The following SEPTIN3 variants were observed in gnomAD, a reference collection of about 807,000 sequenced individuals.
The protein encoded by SEPTIN3 is septin 3.
A neutral mutation model predicts 45.1 loss-of-function variants in SEPTIN3; 15 were observed. That is an observed-to-expected ratio of 0.33 (90% CI 0.22 to 0.51). The LOEUF (loss-of-function observed/expected upper bound fraction) is 0.51, where lower values mean the gene tolerates loss of function less well. Among genes scored for constraint, SEPTIN3 ranks in the 20% least tolerant of loss-of-function variants. The pLI is 0.97. For missense variants in SEPTIN3, 289 were observed against 457.2 expected, an observed-to-expected ratio of 0.63 and a Z score of 3.35; for synonymous variants, 148 against 164.8, an observed-to-expected ratio of 0.90 and a Z score of 0.78.
At chr22:41,988,895 G>C (rs2078253388) in intron 6 of SEPTIN3, among the ~76,000 whole-genome samples, 1 of 152,130 alleles carries the variant, frequency 6.6e-6, no homozygotes, top group African/African-American at 2.4e-5. Context: ...GGAAGCCGAG[G>C]CAGGAAGATT....
intron 2 of SEPTIN3, among the ~76,000 whole-genome samples, chr22:41,974,457 G>T (rs993229149): frequency 1.3e-5 from 2 of 152,024 alleles, no homozygotes; most frequent in African/African-American, 2.4e-5. Flanking sequence ...GAGGTCAGGA[G>T]ATCAAGACCA....
chr22:41,996,325 A>G (rs192358136), intron 11 of SEPTIN3: 67 of 985,408 alleles, frequency 6.8e-5, no homozygotes, highest in Admixed American at 3.1e-4. Context: ...GTTTAGCCTT[A>G]GGGAAGGGAA....
intron 7 of SEPTIN3, 151 bp downstream of exon 7, chr22:41,989,835 A>G (rs2078275401): frequency 1.7e-6 from 1 of 592,908 alleles, no homozygotes; most frequent in Non-Finnish European, 3.0e-6. Flanking sequence ...TTAACCATTC[A>G]AGAGGCTGAG....
At chr22:41,996,126 C>T in intron 11 of SEPTIN3, 1 of 985,088 alleles carries the variant, frequency 1.0e-6, no homozygotes, top group Non-Finnish European at 1.2e-6. Context: ...TCTACTTTTC[C>T]CTAATTCCCT....
rs760056137 is a variant in SEPTIN3 at position 41,994,686 on chromosome 22, G to A, written c.2477G>A (p.Arg826Gln). ...CACTATGAGACTTACAGGGCCAAGC[G>A]GCTCAATGACAATGGAGGCCTCCCT... The part of the protein sequence containing the change: ...NIHYETYRAK[R>Q]LNDNGGLPPG... Residue 826 changes from arginine (R) to glutamine (Q), a missense_variant, in exon 11 of 12, where the codon CGG becomes CAG. By Grantham distance (43) the Arg-to-Gln change is conservative. Transcript: ENST00000644076. This position sits in a 1 kb window ranked among gnomAD's most constrained non-coding sequence, Gnocchi z 4.2. 6.2e-6 allele frequency: 10 copies of A among 1,614,034 alleles called. No homozygotes were observed. The highest frequency in any genetic ancestry group is 6.8e-6 in the Non-Finnish European group (8 of 1,180,050).
At chr22:41,982,763 T>C (rs886316755) in intron 3 of SEPTIN3, among the ~76,000 whole-genome samples, 1 of 151,546 alleles carries the variant, frequency 6.6e-6, no homozygotes, top group Non-Finnish European at 1.5e-5. Context: ...TGATGGCACA[T>C]GCTTGTAATC....
chr22:41,994,025 T>C lies in SEPTIN3; in HGVS notation c.2360-265T>C, dbSNP rs1025900996. 2.6e-5 allele frequency among the ~76,000 whole-genome samples: 4 copies of C among 152,224 alleles called. No homozygotes were observed. Among genetic ancestry groups the C allele is most frequent in the African/African-American group, 9.6e-5 (4 of 41,452 alleles). On this transcript the variant is annotated intron_variant, in intron 9 of 11. Coordinates refer to ENST00000644076, the MANE Select transcript of SEPTIN3 (RefSeq NM_001363845.2). The surrounding 1 kb of genome is among the most constrained non-coding windows in gnomAD (Gnocchi z 4.2). ...GACTTGGTATTAGTTTTCTCTTCTA[T>C]AAAATGGTAAAAATTATAGTCCCTC...
At position 41,981,905 on chromosome 22, in the gene SEPTIN3, C is replaced by A. The variant is rs2078128120; in HGVS notation, c.1696+69C>A. The A allele has an allele frequency of 4.3e-6, 6 of 1,395,404 alleles. No homozygotes were observed. In the South Asian group the frequency reaches 5.0e-5, roughly 12 times the overall value. 86.4% of individuals were successfully genotyped at this position (1,395,404 alleles called of 1,614,324 possible). A position where few individuals can be genotyped will look rare whatever the true frequency, so the allele number is the denominator to read the frequency against. On this transcript the variant is annotated intron_variant, in intron 3 of 11. Coordinates refer to ENST00000644076, the MANE Select transcript of SEPTIN3 (RefSeq NM_001363845.2). ...CACCAAGGATCCCATTTCTTTCCCC[C>A]AAATGGCTGTGACCCTGGCTCTTCT...
At chr22:41,983,608 C>T (rs1010794174) in intron 3 of SEPTIN3, among the ~76,000 whole-genome samples, 5 of 152,206 alleles carry the variant, frequency 3.3e-5, no homozygotes, top group African/African-American at 1.2e-4. Flanking sequence ...AGAGGCAGTG[C>T]TCGTCCACAT....
chr22:41,987,628 G>C lies in SEPTIN3; in HGVS notation c.1914G>C (p.Glu638Asp). The change falls in exon 6 of 12, where the codon GAG becomes GAC. Residue 638 changes from glutamate to aspartate, a missense_variant. Physicochemically the swap from Glu to Asp is conservative, Grantham distance 45 (BLOSUM62 2). Coordinates refer to ENST00000644076, the MANE Select transcript of SEPTIN3 (RefSeq NM_001363845.2). ...GDQINNENCW[E>D]PIEKYINEQY... ...TACTTTCCCTCCCCATCAGCTGGGA[G>C]CCCATTGAGAAGTACATCAATGAGC... The C allele has an allele frequency of 6.2e-7, 1 of 1,609,254 alleles. No homozygotes were observed. Among genetic ancestry groups the C allele is most frequent in the Non-Finnish European group, 8.5e-7 (1 of 1,175,980 alleles).
intron 3 of SEPTIN3, 128 bp from the exon 4 acceptor site, chr22:41,985,856 C>T: frequency 3.4e-6 from 4 of 1,188,100 alleles, no homozygotes; most frequent in Non-Finnish European, 4.6e-6. Flanking sequence ...CCTGGCCATC[C>T]CCCAGTGAGT....
At chr22:41,987,381 C>G (rs922266964) in intron 5 of SEPTIN3, 94 bp downstream of exon 5, 15 of 1,245,270 alleles carry the variant, frequency 1.2e-5, no homozygotes, top group Non-Finnish European at 1.6e-5. Flanking sequence ...ACCATCTGCA[C>G]CCTCCATGCT....
chr22:41,983,905 A>T, intron 3 of SEPTIN3, among the ~76,000 whole-genome samples: 1 of 152,296 alleles, frequency 6.6e-6, no homozygotes, highest in South Asian at 2.1e-4. Context: ...TTTGTTCACG[A>T]TAGTACCTCC....
In SEPTIN3 at chr22:41,991,509, G is replaced by T. The variant is rs1423347655; in HGVS notation, c.2164-64G>T. On this transcript the variant is annotated intron_variant, in intron 7 of 11. Transcript: ENST00000644076. The stretch of plus-strand genomic sequence containing the variant: ...CTGACCTCAGCTCACGCACACAGGT[G>T]CACACACCCCTCTTTTCCATTACCC... 5.1e-6 allele frequency: 6 copies of T among 1,182,314 alleles called. No individual in the cohort carries two copies. The South Asian group carries it at 7.3e-5, about 14-fold the overall frequency. The allele number at this position is 1,182,314 out of a possible 1,614,324, so 73.2% of individuals were successfully genotyped here. A position where few individuals can be genotyped will look rare whatever the true frequency, so the allele number is the denominator to read the frequency against.
chr22:41,983,484 G>A (rs2078154336), intron 3 of SEPTIN3, among the ~76,000 whole-genome samples: 1 of 152,164 alleles, frequency 6.6e-6, no homozygotes, highest in African/African-American at 2.4e-5. Flanking sequence ...TTAAAACTCT[G>A]TAACAAACTC....
In SEPTIN3 at chr22:41,994,858, G is replaced by T; in HGVS notation, c.2505+144G>T. The stretch of plus-strand genomic sequence containing the variant: ...CCTCTCAACTCTGTCCCACAGGCCT[G>T]TCTGGTATTTGTGGAGCATCTTGTC... On this transcript the variant is annotated intron_variant, in intron 11 of 11. Coordinates refer to ENST00000644076, the MANE Select transcript of SEPTIN3 (RefSeq NM_001363845.2). This position sits in a 1 kb window ranked among gnomAD's most constrained non-coding sequence, Gnocchi z 4.2. 1 of 1,572,216 alleles carries T rather than the reference G, an allele frequency of 6.4e-7. No individual in the cohort carries two copies. The highest frequency in any genetic ancestry group is 8.6e-7 in the Non-Finnish European group (1 of 1,164,074).
chr22:41,997,185 C>G lies in SEPTIN3; in HGVS notation c.*218C>G, dbSNP rs901475683. On this transcript the variant is annotated 3_prime_UTR_variant, in exon 12 of 12. Transcript: ENST00000644076. ...TGGAGTGGGGTTCTGCCAGTACAGC[C>G]CTACTGCATCATCTGCGTCAGCCGG... 6 of 811,906 alleles carry G rather than the reference C, an allele frequency of 7.4e-6. No homozygotes were observed. Among genetic ancestry groups the G allele is most frequent in the Non-Finnish European group, 1.1e-5 (6 of 536,346 alleles). 50.3% of individuals were successfully genotyped at this position (811,906 alleles called of 1,614,324 possible).
chr22:41,980,838 C>T (rs1016957193), intron 2 of SEPTIN3, among the ~76,000 whole-genome samples: 2 of 152,156 alleles, frequency 1.3e-5, no homozygotes, highest in Non-Finnish European at 2.9e-5. Flanking sequence ...CAAGTGACTG[C>T]CCTCATCTGG....
chr22:41,977,644 C>G (rs739293), intron 2 of SEPTIN3, among the ~76,000 whole-genome samples: 50 of 142,938 alleles, frequency 3.5e-4, no homozygotes, highest in Middle Eastern at 3.6e-3. Flanking sequence ...TTGTGGGGGG[C>G]GGTGGGGTCC....
Sources: allele counts gnomAD v4.1 joint callset (sites outside exome capture counted in the v4.1 genomes callset), GRCh38; gene constraint gnomAD v4.1.1; non-coding constraint Gnocchi (gnomAD v3.1); transcripts MANE v1.5; gene names NCBI Gene and HGNC (gene_info 2026-07-23, HGNC 2026-07-21).